FMN1: variants seen among roughly 807,000 people sequenced by gnomAD.
FMN1 encodes the protein formin-1.
In FMN1, 110 loss-of-function variants were observed where a neutral mutation model predicts 132.4. The ratio of observed to expected loss-of-function variants is 0.83; its 90% confidence interval spans 0.71 to 0.97. The LOEUF (loss-of-function observed/expected upper bound fraction) is 0.97. Among genes scored for constraint, FMN1 ranks in the 50% least tolerant of loss-of-function variants. FMN1 has a pLI of 0.00. For missense variants in FMN1, 1,792 were observed against 1,705.3 expected, an observed-to-expected ratio of 1.05 and a Z score of -0.90; for synonymous variants, 722 against 651.7, an observed-to-expected ratio of 1.11 and a Z score of -1.64.
intron 17 of FMN1, among the ~76,000 whole-genome samples, chr15:32,847,799 G>A (rs1041371333): frequency 6.6e-6 from 1 of 152,172 alleles, no homozygotes; most frequent in African/African-American, 2.4e-5. Flanking sequence ...AGCGTGCAGT[G>A]AGCTGAGATC....
chr15:32,888,660 T>C (rs747448677), intron 15 of FMN1, among the ~76,000 whole-genome samples: 60 of 152,162 alleles, frequency 3.9e-4, no homozygotes, highest in Admixed American at 8.5e-4. Context: ...GATTTACACA[T>C]GCTAGCAATT....
At chr15:32,867,677 G>C (rs1297154080) in intron 16 of FMN1, among the ~76,000 whole-genome samples, 1 of 152,228 alleles carries the variant, frequency 6.6e-6, no homozygotes, top group Non-Finnish European at 1.5e-5. Context: ...ATTTTTAGTA[G>C]AGACGGGGTT....
intron 5 of FMN1, among the ~76,000 whole-genome samples, chr15:33,081,198 G>A (rs919991689): frequency 3.9e-5 from 6 of 152,102 alleles, no homozygotes; most frequent in Non-Finnish European, 7.4e-5. Context: ...GGCTAGCTTT[G>A]GTTTACAGTA....
intron 9 of FMN1, among the ~76,000 whole-genome samples, chr15:32,935,075 C>G (rs1027050446): frequency 1.3e-5 from 2 of 151,638 alleles, no homozygotes; most frequent in Non-Finnish European, 2.9e-5. Context: ...GCACGCACCA[C>G]CATGCCTGGC....
intron 6 of FMN1, among the ~76,000 whole-genome samples, chr15:33,019,754 GGC>G (rs1373333736): frequency 6.6e-6 from 1 of 152,214 alleles, no homozygotes; most frequent in Non-Finnish European, 1.5e-5. Flanking sequence ...CGGCAGGGCC[GGC>G]AGGCCACTCG....
At chr15:32,955,234 G>C (rs908735064) in intron 9 of FMN1, among the ~76,000 whole-genome samples, 1 of 152,126 alleles carries the variant, frequency 6.6e-6, no homozygotes. Flanking sequence ...ATCTCCACTT[G>C]AATGACATCA....
intron 4 of FMN1, among the ~76,000 whole-genome samples, chr15:33,126,963 C>T (rs1416927275): frequency 1.3e-5 from 2 of 152,198 alleles, no homozygotes; most frequent in Non-Finnish European, 2.9e-5. Context: ...CTGTGGTTGG[C>T]TGACTCTGTG....
intron 10 of FMN1, among the ~76,000 whole-genome samples, chr15:32,912,466 GTACT>G (rs1324727357): frequency 6.6e-6 from 1 of 152,192 alleles, no homozygotes; most frequent in Non-Finnish European, 1.5e-5. Context: ...GAAGTGCAAA[GTACT>G]TAATTAATCT....
rs566747629 is a variant in FMN1, at chr15:32,848,326, A to C, written c.3928+8689T>G. Among the ~76,000 whole-genome samples the C allele has an allele frequency of 1.2e-4, 17 of 138,652 alleles. No homozygotes were observed. The East Asian group carries it at 3.5e-3, about 28-fold the overall frequency. The allele number at this position is 138,652 out of a possible 152,430, so 91.0% of individuals were successfully genotyped here. On this transcript the variant is annotated intron_variant, in intron 17 of 20. Transcript: ENST00000616417. Reference sequence around the variant, plus strand: ...AGAACGGAGGGGTTCCAGCAGGTTCATGTGTGTGCACGTGTGTGTGCGTGC... The same window carrying C: ...AGAACGGAGGGGTTCCAGCAGGTTCCTGTGTGTGCACGTGTGTGTGCGTGC...
Position 32,964,199 on chromosome 15 carries a change from T to C in FMN1, c.3046A>G (p.Ser1016Gly). The stretch of plus-strand genomic sequence containing the variant: ...TTGGAGAATAAATACTCAAATTCAC[T>C]GGGGTCCCGAATGTCAGGTTCTTCT... Reference protein sequence around the residue: ...SLEEPDIRDPSEFEYLFSKDT... With the variant: ...SLEEPDIRDPGEFEYLFSKDT... The change falls in exon 9 of 21, where the codon AGT (serine) becomes GGT (glycine). Residue 1016 changes from serine to glycine, a missense_variant. By Grantham distance (56) the Ser-to-Gly change is moderately conservative. Coordinates refer to ENST00000616417, the MANE Select transcript of FMN1 (RefSeq NM_001277313.2). 3.1e-6 allele frequency: 5 copies of C among 1,612,898 alleles called. No homozygotes were observed. Among genetic ancestry groups the C allele is most frequent in the Non-Finnish European group, 4.2e-6 (5 of 1,179,086 alleles).
chr15:33,067,245 T>C (rs780256699), intron 5 of FMN1: 3 of 1,613,472 alleles, frequency 1.9e-6, no homozygotes, highest in Non-Finnish European at 2.5e-6. Flanking sequence ...AGTTTGCTGC[T>C]CATCTCAGGT....
intron 17 of FMN1, among the ~76,000 whole-genome samples, chr15:32,850,444 G>GT (rs1254002754): frequency 6.6e-6 from 1 of 152,218 alleles, no homozygotes. Context: ...TATCCAGGAG[G>GT]TCTGACCACA....
At chr15:32,932,285 C>T (rs1291827509) in intron 9 of FMN1, among the ~76,000 whole-genome samples, 5 of 152,126 alleles carry the variant, frequency 3.3e-5, no homozygotes, top group African/African-American at 1.2e-4. Flanking sequence ...CTGGTAGTCC[C>T]AGCTACTTGG....
At chr15:32,788,266 AACAGCATCG>A (rs1258049282) in intron 19 of FMN1, among the ~76,000 whole-genome samples, 1 of 152,264 alleles carries the variant, frequency 6.6e-6, no homozygotes, top group African/African-American at 2.4e-5. Flanking sequence ...AGTGAAAGGT[AACAGCATCG>A]CATTCATTTC....
chr15:33,126,012 A>AT (rs1435202140), intron 4 of FMN1, among the ~76,000 whole-genome samples: 1 of 140,080 alleles, frequency 7.1e-6, no homozygotes, highest in East Asian at 2.0e-4. Flanking sequence ...TACACATGAG[A>AT]TAACAGTAAT....
At chr15:32,868,310 A>G (rs1416090789) in intron 16 of FMN1, among the ~76,000 whole-genome samples, 3 of 152,246 alleles carry the variant, frequency 2.0e-5, no homozygotes, top group Non-Finnish European at 4.4e-5. Flanking sequence ...CAGTTACAGT[A>G]TAGTACAGCC....
At chr15:33,123,723 A>G (rs1453036296) in intron 4 of FMN1, among the ~76,000 whole-genome samples, 1 of 152,236 alleles carries the variant, frequency 6.6e-6, no homozygotes, top group Non-Finnish European at 1.5e-5. Context: ...CTCCAACATC[A>G]GCACATTGCT....
rs570158978 is a variant in FMN1, at chr15:33,089,776, C to G, written c.1868-802G>C. Among the ~76,000 whole-genome samples, 96 of 152,314 alleles carry G rather than the reference C, an allele frequency of 6.3e-4. 1 individual carries two copies. The South Asian group carries it at 0.019, about 30-fold the overall frequency. On this transcript the variant is annotated intron_variant, in intron 4 of 20. Coordinates refer to ENST00000616417, the MANE Select transcript of FMN1 (RefSeq NM_001277313.2). ...GGCAGTTAAACAATAGAGGGCCGTG[C>G]TTTTAATGACCACACTATGGCCTCT... is the stretch of plus-strand genomic sequence containing the variant.
chr15:32,999,287 A>T (rs919656891), intron 7 of FMN1, among the ~76,000 whole-genome samples: 2 of 152,248 alleles, frequency 1.3e-5, no homozygotes, highest in Non-Finnish European at 2.9e-5. Context: ...GAATACAAAA[A>T]AATGGAACAG....
Sources: allele counts gnomAD v4.1 joint callset (sites outside exome capture counted in the v4.1 genomes callset), GRCh38; gene constraint gnomAD v4.1.1; transcripts MANE v1.5; gene names NCBI Gene and HGNC (gene_info 2026-07-23, HGNC 2026-07-21).